STXBP6: variants seen among roughly 807,000 people sequenced by gnomAD.
STXBP6 encodes the protein syntaxin binding protein 6, also known as syntaxin-binding protein 6.
In STXBP6, 21 loss-of-function variants were observed where a neutral mutation model predicts 26.9. The ratio of observed to expected loss-of-function variants is 0.78; its 90% CI spans 0.55 to 1.12. The LOEUF (loss-of-function observed/expected upper bound fraction) is 1.12. Ranked by LOEUF, STXBP6 falls within the 50% of genes most tolerant of loss-of-function variation. STXBP6 has a pLI of 0.00. For missense variants in STXBP6, 232 were observed against 257.9 expected (o/e 0.90, Z 0.69); for synonymous variants, 97 against 92.6 (o/e 1.05, Z -0.27).
chr14:24,880,152 G>T (rs1199202455), intron 2 of STXBP6, among the ~76,000 whole-genome samples: 1 of 152,132 alleles, frequency 6.6e-6, no homozygotes, highest in East Asian at 1.9e-4. Flanking sequence ...GTGCTAAAGG[G>T]TGCTGGGAAA....
chr14:25,003,991 T>A (rs1028309868), intron 1 of STXBP6, among the ~76,000 whole-genome samples: 1 of 152,232 alleles, frequency 6.6e-6, no homozygotes, highest in Non-Finnish European at 1.5e-5. Context: ...AAGCACTGTT[T>A]ATGCTCTGGA....
chr14:24,834,973 T>C (rs1320681830), intron 4 of STXBP6, among the ~76,000 whole-genome samples: 1 of 152,208 alleles, frequency 6.6e-6, no homozygotes, highest in Non-Finnish European at 1.5e-5. Flanking sequence ...GTGCTAGGTG[T>C]TCACAAAGTT....
chr14:24,956,094 T>A (rs2073336075), intron 2 of STXBP6, among the ~76,000 whole-genome samples: 1 of 152,092 alleles, frequency 6.6e-6, no homozygotes, highest in Admixed American at 6.5e-5. Context: ...AGAGTCAAAT[T>A]TTCAAATGGG....
intron 5 of STXBP6, among the ~76,000 whole-genome samples, chr14:24,813,230 A>G (rs906082706): frequency 6.6e-6 from 1 of 152,160 alleles, no homozygotes; most frequent in Non-Finnish European, 1.5e-5. Flanking sequence ...GCCCTTCACA[A>G]TTTAATTGTG....
intron 4 of STXBP6, among the ~76,000 whole-genome samples, chr14:24,845,146 C>T (rs1018932327): frequency 2.0e-5 from 3 of 151,772 alleles, no homozygotes; most frequent in African/African-American, 4.8e-5. Flanking sequence ...CGAGTAGCTG[C>T]GACTACAGGC....
chr14:24,867,677 G>T (rs2069773834), intron 2 of STXBP6, among the ~76,000 whole-genome samples: 1 of 152,056 alleles, frequency 6.6e-6, no homozygotes, highest in Non-Finnish European at 1.5e-5. Context: ...ATCGAAATGG[G>T]TGATATATCT....
intron 2 of STXBP6, among the ~76,000 whole-genome samples, chr14:24,930,936 C>A (rs543221220): frequency 3.0e-4 from 43 of 145,720 alleles, no homozygotes; most frequent in African/African-American, 1.1e-3. Flanking sequence ...AAGGTGAAAC[C>A]CCATCTCTAC....
chr14:24,955,721 G>A (rs144858292), intron 2 of STXBP6, among the ~76,000 whole-genome samples: 401 of 152,230 alleles, frequency 2.6e-3, no homozygotes, highest in African/African-American at 9.4e-3. Flanking sequence ...GCTTCCCCCA[G>A]CAAGTTCTCC....
chr14:24,966,389 GAAA>G (rs5807270), intron 2 of STXBP6, among the ~76,000 whole-genome samples: 1 of 142,366 alleles, frequency 7.0e-6, no homozygotes, highest in Non-Finnish European at 1.5e-5. Flanking sequence ...CCCTGTCTTG[GAAA>G]AAAAAAAAAA....
intron 2 of STXBP6, among the ~76,000 whole-genome samples, chr14:24,889,129 T>C (rs1367961638): frequency 1.3e-5 from 2 of 151,538 alleles, no homozygotes; most frequent in African/African-American, 4.8e-5. Flanking sequence ...CAACACCCAA[T>C]GACATGCTCA....
chr14:24,932,105 C>T (rs781284068), intron 2 of STXBP6, among the ~76,000 whole-genome samples: 3 of 152,068 alleles, frequency 2.0e-5, no homozygotes, highest in Non-Finnish European at 2.9e-5. Flanking sequence ...TTCAAGATTT[C>T]GATTAATAAG....
intron 1 of STXBP6, among the ~76,000 whole-genome samples, chr14:25,014,927 G>A (rs894776059): frequency 6.6e-6 from 1 of 152,034 alleles, no homozygotes; most frequent in African/African-American, 2.4e-5. Context: ...CAAATTTTCT[G>A]TAATTACCAT....
In STXBP6 at chr14:24,857,039, G is replaced by T. The variant is rs530458077; in HGVS notation, c.273C>A (p.Ile91=). Residue 91 remains isoleucine (I), a synonymous_variant, in exon 3 of 6, where the codon ATC becomes ATA. Transcript: ENST00000323944. Reference sequence around the variant, plus strand: ...ACAATTCACTCACCCCATTAGGATCGATACCATTAACCTGGCGAAGCTGCT... The same window carrying T: ...ACAATTCACTCACCCCATTAGGATCTATACCATTAACCTGGCGAAGCTGCT... ...MLEQLRQVNG[I]DPNGDSAEFD... is the part of the protein sequence containing the mutation. 3.7e-6 allele frequency: 6 copies of T among 1,612,776 alleles called. No homozygotes were observed. The highest frequency in any genetic ancestry group is 5.1e-6 in the Non-Finnish European group (6 of 1,179,094).
chr14:24,882,702 T>G (rs2070418535), intron 2 of STXBP6, among the ~76,000 whole-genome samples: 1 of 152,208 alleles, frequency 6.6e-6, no homozygotes, highest in African/African-American at 2.4e-5. Flanking sequence ...AATACATTCA[T>G]AAATAAATTA....
chr14:24,820,976 A>G (rs1243579404), intron 4 of STXBP6, among the ~76,000 whole-genome samples: 1 of 152,228 alleles, frequency 6.6e-6, no homozygotes, highest in East Asian at 1.9e-4. Context: ...TTCCCAAGGT[A>G]ACGCCTGACC....
chr14:25,040,412 G>A (rs535395030), intron 1 of STXBP6, among the ~76,000 whole-genome samples: 63 of 152,260 alleles, frequency 4.1e-4, no homozygotes, highest in African/African-American at 1.4e-3. Context: ...TAGTACTGCA[G>A]GACCTTAGAC....
chr14:24,964,283 C>T (rs774774776), intron 2 of STXBP6, among the ~76,000 whole-genome samples: 1 of 152,174 alleles, frequency 6.6e-6, no homozygotes, highest in African/African-American at 2.4e-5. Flanking sequence ...AGTGCTATTA[C>T]AGAGATGACA....
chr14:24,887,781 G>A (rs1279043297), intron 2 of STXBP6, among the ~76,000 whole-genome samples: 1 of 152,204 alleles, frequency 6.6e-6, no homozygotes, highest in Admixed American at 6.5e-5. Context: ...GTTTAAGGCA[G>A]AGATGTTGAC....
chr14:24,859,708 G>A (rs1405710118), intron 2 of STXBP6, among the ~76,000 whole-genome samples: 1 of 152,150 alleles, frequency 6.6e-6, no homozygotes, highest in African/African-American at 2.4e-5. Flanking sequence ...TCATAGAGCT[G>A]CATGCTAGAG....
Sources: allele counts gnomAD v4.1 joint callset (sites outside exome capture counted in the v4.1 genomes callset), GRCh38; gene constraint gnomAD v4.1.1; transcripts MANE v1.5; gene names NCBI Gene and HGNC (gene_info 2026-07-23, HGNC 2026-07-21).